The following SKAP2 variants were observed in gnomAD, a reference collection of about 807,000 sequenced individuals.
SKAP2 encodes src kinase associated phosphoprotein 2, also known as src kinase-associated phosphoprotein 2.
In SKAP2, 28 loss-of-function variants were observed where a neutral mutation model predicts 54.9. The ratio of observed to expected loss-of-function variants is 0.51; its 90% CI spans 0.38 to 0.70. SKAP2 has a LOEUF of 0.70. Ranked by LOEUF, SKAP2 falls within the 30% of genes least tolerant of loss-of-function variation. The pLI is 0.00. For missense variants in SKAP2, 356 were observed against 424.1 expected (o/e 0.84, Z 1.41); for synonymous variants, 137 against 134.3 (o/e 1.02, Z -0.14).
At chr7:26,806,543 T>C (rs1051882061) in intron 4 of SKAP2, among the ~76,000 whole-genome samples, 1 of 152,138 alleles carries the variant, frequency 6.6e-6, no homozygotes, top group African/African-American at 2.4e-5. Context: ...CTAGAAATGA[T>C]TAAGCTTGGT....
At chr7:26,703,413 C>A (rs905783601) in intron 9 of SKAP2, among the ~76,000 whole-genome samples, 4 of 152,094 alleles carry the variant, frequency 2.6e-5, no homozygotes, top group Non-Finnish European at 4.4e-5. Flanking sequence ...CTTCAAAATA[C>A]AGATATATGT....
At chr7:26,750,607 G>A (rs182327141) in intron 4 of SKAP2, among the ~76,000 whole-genome samples, 20 of 152,086 alleles carry the variant, frequency 1.3e-4, no homozygotes, top group East Asian at 3.9e-4. Flanking sequence ...CACTGCACAC[G>A]GCCAATATAC....
chr7:26,745,162 A>G (rs1190619593), intron 4 of SKAP2, among the ~76,000 whole-genome samples: 2 of 152,060 alleles, frequency 1.3e-5, no homozygotes, highest in African/African-American at 4.8e-5. Flanking sequence ...ACATAGGGTA[A>G]TTTTTCCTAC....
intron 1 of SKAP2, among the ~76,000 whole-genome samples, chr7:26,863,089 T>TA (rs1380642571): frequency 6.6e-6 from 1 of 152,154 alleles, no homozygotes; most frequent in African/African-American, 2.4e-5. Flanking sequence ...AAGCATTTCT[T>TA]AGAGTGAAAG....
At chr7:26,715,021 T>A (rs1787399783) in intron 9 of SKAP2, among the ~76,000 whole-genome samples, 1 of 152,218 alleles carries the variant, frequency 6.6e-6, no homozygotes, top group South Asian at 2.1e-4. Flanking sequence ...TTGATTATGT[T>A]CAGATACAAA....
At chr7:26,804,565 G>C (rs921185416) in intron 4 of SKAP2, among the ~76,000 whole-genome samples, 1 of 151,814 alleles carries the variant, frequency 6.6e-6, no homozygotes, top group Admixed American at 6.6e-5. Flanking sequence ...GTGGTGAAAC[G>C]CTGTCTCTAT....
chr7:26,829,380 A>T (rs895624722), intron 4 of SKAP2, among the ~76,000 whole-genome samples: 7 of 152,134 alleles, frequency 4.6e-5, no homozygotes, highest in African/African-American at 7.2e-5. Context: ...CAAAAAAATT[A>T]AATTAATTTA....
At chr7:26,714,756 A>G (rs1023252968) in intron 9 of SKAP2, among the ~76,000 whole-genome samples, 1 of 152,170 alleles carries the variant, frequency 6.6e-6, no homozygotes, top group South Asian at 2.1e-4. Context: ...CTATGTGTAC[A>G]TATGTGTGTA....
intron 4 of SKAP2, among the ~76,000 whole-genome samples, chr7:26,803,479 G>A (rs970758999): frequency 2.6e-5 from 4 of 152,156 alleles, no homozygotes; most frequent in African/African-American, 9.7e-5. Flanking sequence ...AAATGCTGAC[G>A]AGCATGTGAA....
chr7:26,724,499 C>A (rs533716852), intron 9 of SKAP2, among the ~76,000 whole-genome samples: 1 of 152,212 alleles, frequency 6.6e-6, no homozygotes, highest in East Asian at 1.9e-4. Flanking sequence ...GACATTTGTA[C>A]ATTAATTTGG....
chr7:26,792,792 A>G (rs1180210034), intron 4 of SKAP2, among the ~76,000 whole-genome samples: 3 of 152,230 alleles, frequency 2.0e-5, no homozygotes, highest in African/African-American at 4.8e-5. Flanking sequence ...GACATCATTT[A>G]TAAGGAGGAT....
intron 4 of SKAP2, among the ~76,000 whole-genome samples, chr7:26,773,694 C>A (rs2127975825): frequency 6.6e-6 from 1 of 152,210 alleles, no homozygotes; most frequent in African/African-American, 2.4e-5. Flanking sequence ...TATAATGAAC[C>A]ACATATATGT....
intron 4 of SKAP2, among the ~76,000 whole-genome samples, chr7:26,743,995 G>C (rs1486403302): frequency 6.6e-6 from 1 of 152,072 alleles, no homozygotes; most frequent in Non-Finnish European, 1.5e-5. Flanking sequence ...AAAACAAATG[G>C]TGTATATTGT....
chr7:26,794,257 A>C (rs1584393399), intron 4 of SKAP2, among the ~76,000 whole-genome samples: 1 of 152,138 alleles, frequency 6.6e-6, no homozygotes, highest in Non-Finnish European at 1.5e-5. Context: ...TCCTAGGGGG[A>C]GGAAAAAGTG....
chr7:26,731,752 A>G (rs1484481488), intron 6 of SKAP2, among the ~76,000 whole-genome samples: 1 of 152,100 alleles, frequency 6.6e-6, no homozygotes, highest in Non-Finnish European at 1.5e-5. Flanking sequence ...TGGCACCTCC[A>G]TTAATTCAAG....
At chr7:26,861,611 ACCT>A (rs1229906744) in intron 1 of SKAP2, among the ~76,000 whole-genome samples, 4 of 139,404 alleles carry the variant, frequency 2.9e-5, no homozygotes, top group East Asian at 2.0e-4. Context: ...AACAATAACA[ACCT>A]CTTTTTTTTT....
At chr7:26,808,545 T>C (rs987106508) in intron 4 of SKAP2, among the ~76,000 whole-genome samples, 31 of 152,168 alleles carry the variant, frequency 2.0e-4, no homozygotes, top group African/African-American at 6.8e-4. Context: ...AAAACGGTGA[T>C]TGGTGGTTAC....
chr7:26,673,017 T>C (rs1786275560), intron 11 of SKAP2, among the ~76,000 whole-genome samples: 1 of 152,076 alleles, frequency 6.6e-6, no homozygotes, highest in African/African-American at 2.4e-5. Flanking sequence ...ATGCAACTGA[T>C]ACAATGTTGT....
At chr7:26,738,057 G>A (rs1335961364) in intron 6 of SKAP2, among the ~76,000 whole-genome samples, 2 of 152,114 alleles carry the variant, frequency 1.3e-5, no homozygotes, top group Non-Finnish European at 2.9e-5. Context: ...GCTGCAGGGT[G>A]TGATGACTAC....
Sources: allele counts gnomAD v4.1 joint callset (sites outside exome capture counted in the v4.1 genomes callset), GRCh38; gene constraint gnomAD v4.1.1; transcripts MANE v1.5; gene names NCBI Gene and HGNC (gene_info 2026-07-23, HGNC 2026-07-21).